EPSTI1: variants seen among roughly 807,000 people sequenced by gnomAD.
EPSTI1 encodes the protein epithelial-stromal interaction protein 1.
Under a neutral mutation model 49.9 loss-of-function variants are expected in EPSTI1, and 66 were observed. The ratio of observed to expected loss-of-function variants is 1.32; its 90% CI spans 1.08 to 1.62. The LOEUF is 1.62. EPSTI1 is among the 40% of genes most tolerant of loss of function. The pLI is 0.00. For synonymous variants in EPSTI1, 137 were observed against 130.7 expected, an observed-to-expected ratio of 1.05 and a Z score of -0.33; for missense variants, 394 against 365.5, an observed-to-expected ratio of 1.08 and a Z score of -0.64.
At chr13:42,952,168 G>A (rs572718457) in intron 6 of EPSTI1, among the ~76,000 whole-genome samples, 48 of 152,288 alleles carry the variant, frequency 3.2e-4, no homozygotes, top group African/African-American at 6.7e-4. Context: ...GGATGTGGGC[G>A]CAGACAAATA....
At chr13:42,896,095 T>G (rs1594605939) in intron 9 of EPSTI1, among the ~76,000 whole-genome samples, 1 of 152,168 alleles carries the variant, frequency 6.6e-6, no homozygotes, top group East Asian at 1.9e-4. Context: ...TTTCTGGCTG[T>G]CTGCGCTTGC....
At chr13:42,979,395 G>A (rs1229802055) in intron 1 of EPSTI1, among the ~76,000 whole-genome samples, 1 of 151,964 alleles carries the variant, frequency 6.6e-6, no homozygotes, top group Non-Finnish European at 1.5e-5. Context: ...TGGCTAACAC[G>A]GCGAAGCCCC....
intron 3 of EPSTI1, among the ~76,000 whole-genome samples, chr13:42,966,753 C>A (rs1284738257): frequency 1.1e-5 from 1 of 90,408 alleles, no homozygotes; most frequent in Non-Finnish European, 2.5e-5. Flanking sequence ...CGCCTCCGCC[C>A]GGCCACCACC....
At position 42,969,188 on chromosome 13, in the gene EPSTI1, C is replaced by G; in HGVS notation, c.248-11G>C. 1 of 1,612,780 alleles carries G rather than the reference C, an allele frequency of 6.2e-7. No individual in the cohort carries two copies. ...GCTCCTGCTCCGCAACTAAGCCAGG[C>G]GAGAAATATCAAATCGTCAATTATT... On this transcript the variant is annotated splice_polypyrimidine_tract_variant and intron_variant, in intron 2 of 10. Transcript: ENST00000313624.
chr13:42,934,197 C>A lies in EPSTI1; in HGVS notation c.564-7768G>T, dbSNP rs181618771. On this transcript the variant is annotated intron_variant, in intron 6 of 10. Transcript: ENST00000313624. ...CTTCTGATTGTAAACCCGTTTATTT[C>A]CACCCTAACTTGTGTAACTGATTCT... 1.6e-3 allele frequency: 252 copies of A among 154,562 alleles called. 4 individuals are homozygous for A. The highest frequency in any genetic ancestry group is 0.015 in the Admixed American group (234 of 15,352). The allele number at this position is 154,562 out of a possible 1,614,324, so 9.6% of individuals were successfully genotyped here. A position where few individuals can be genotyped will look rare whatever the true frequency, so the allele number is the denominator to read the frequency against.
chr13:42,968,399 C>T (rs983013638), intron 3 of EPSTI1, among the ~76,000 whole-genome samples: 2 of 152,100 alleles, frequency 1.3e-5, no homozygotes, highest in Non-Finnish European at 1.5e-5. Flanking sequence ...ACAAGACATG[C>T]TTGTATTAAC....
chr13:42,960,552 T>C (rs2025396), intron 5 of EPSTI1, among the ~76,000 whole-genome samples: 82,164 of 152,098 alleles, frequency 0.54, 22,887 homozygotes, highest in East Asian at 0.76. Context: ...GTAGTATTAG[T>C]TTCCTATTGC....
intron 5 of EPSTI1, among the ~76,000 whole-genome samples, chr13:42,961,234 G>A (rs984401298): frequency 1.3e-5 from 2 of 152,114 alleles, no homozygotes; most frequent in African/African-American, 4.8e-5. Context: ...ATTTAATCAG[G>A]TCTAGCAGGT....
At chr13:42,956,954 G>C (rs954733085) in intron 5 of EPSTI1, among the ~76,000 whole-genome samples, 11 of 152,142 alleles carry the variant, frequency 7.2e-5, no homozygotes, top group African/African-American at 2.7e-4. Context: ...AAGCAGGAAA[G>C]GAAGTGGCTC....
At chr13:42,951,650 A>C (rs2039101013) in intron 6 of EPSTI1, among the ~76,000 whole-genome samples, 1 of 152,248 alleles carries the variant, frequency 6.6e-6, no homozygotes, top group African/African-American at 2.4e-5. Flanking sequence ...TATAAAAGAA[A>C]GGAGGTTGGA....
rs573733058 is a variant in EPSTI1 at position 42,958,756 on chromosome 13, T to C, written c.489+4499A>G. ...TAAGAACATAAAGCCAGCAAGGATTTTGGTAATTGGGTTTGGTTCCCAGTT... is the reference window on the plus strand; with the variant it reads ...TAAGAACATAAAGCCAGCAAGGATTCTGGTAATTGGGTTTGGTTCCCAGTT... On this transcript the variant is annotated intron_variant, in intron 5 of 10. Coordinates refer to ENST00000313624, the MANE Select transcript of EPSTI1 (RefSeq NM_033255.5). 6.0e-5 allele frequency among the ~76,000 whole-genome samples: 9 copies of C among 150,698 alleles called. No individual in the cohort carries two copies. In the East Asian group the frequency reaches 1.8e-3, roughly 30 times the overall value.
chr13:42,964,429 C>CCTA (rs2039548670), intron 3 of EPSTI1, among the ~76,000 whole-genome samples: 1 of 152,056 alleles, frequency 6.6e-6, no homozygotes, highest in South Asian at 2.1e-4. Context: ...TGAAATCATA[C>CCTA]CTAAAGGTCT....
intron 3 of EPSTI1, among the ~76,000 whole-genome samples, chr13:42,964,547 A>C (rs922375455): frequency 1.3e-5 from 2 of 152,048 alleles, no homozygotes; most frequent in African/African-American, 4.8e-5. Context: ...AGGTGCTTCT[A>C]TTGCTTTTCT....
chr13:42,888,541 A>T (rs915110444), intron 10 of EPSTI1, 39 bp from the exon 11 acceptor site: 11 of 1,571,068 alleles, frequency 7.0e-6, no homozygotes, highest in Non-Finnish European at 9.5e-6. Flanking sequence ...GCAAGCAGCA[A>T]AATAAAATTC....
intron 6 of EPSTI1, among the ~76,000 whole-genome samples, chr13:42,931,022 A>G (rs889981299): frequency 1.3e-5 from 2 of 152,214 alleles, no homozygotes; most frequent in African/African-American, 2.4e-5. Flanking sequence ...ATACATCTGC[A>G]TTCTGGCCAA....
intron 10 of EPSTI1, among the ~76,000 whole-genome samples, chr13:42,894,573 C>A (rs2037131079): frequency 6.7e-6 from 1 of 150,266 alleles, no homozygotes; most frequent in Non-Finnish European, 1.5e-5. Context: ...TCTAAAAAAT[C>A]ATTTCATAGT....
At chr13:42,897,841 CA>C (rs1198796702) in intron 9 of EPSTI1, among the ~76,000 whole-genome samples, 1 of 152,134 alleles carries the variant, frequency 6.6e-6, no homozygotes, top group Non-Finnish European at 1.5e-5. Context: ...GGAAAAGAAC[CA>C]ATTTCTATTT....
At chr13:42,965,755 C>CTCG (rs1566165805) in intron 3 of EPSTI1, among the ~76,000 whole-genome samples, 1 of 5,394 alleles carries the variant, frequency 1.9e-4, no homozygotes, top group African/African-American at 3.1e-4. Flanking sequence ...CCTCGTCTCC[C>CTCG]TCTCCCTCTC....
intron 6 of EPSTI1, among the ~76,000 whole-genome samples, chr13:42,945,304 A>G (rs528375237): frequency 1.3e-5 from 2 of 152,302 alleles, no homozygotes; most frequent in Admixed American, 1.3e-4. Context: ...TCACAAGAAC[A>G]GCAATGGGAA....
Sources: allele counts gnomAD v4.1 joint callset (sites outside exome capture counted in the v4.1 genomes callset), GRCh38; gene constraint gnomAD v4.1.1; transcripts MANE v1.5; gene names NCBI Gene and HGNC (gene_info 2026-07-23, HGNC 2026-07-21).